Variants in MYO1E observed in about 807,000 individuals in gnomAD.
MYO1E encodes the protein myosin IE.
Under a neutral mutation model 151.1 loss-of-function variants are expected in MYO1E, and 68 were observed. The observed-to-expected ratio is 0.45, with a 90% CI of 0.37 to 0.55. MYO1E has a LOEUF of 0.55. MYO1E is among the 20% of genes least tolerant of loss of function. MYO1E has a pLI of 0.00. For synonymous variants in MYO1E, 601 were observed against 501.7 expected (o/e 1.20, Z -2.64); for missense variants, 1,363 against 1,389.3 (o/e 0.98, Z 0.30).
chr15:59,193,799 C>G (rs1025126976), intron 17 of MYO1E, among the ~76,000 whole-genome samples: 2 of 152,094 alleles, frequency 1.3e-5, no homozygotes, highest in African/African-American at 4.8e-5. Flanking sequence ...GCTCCTCATC[C>G]GGGCCTGAAT....
rs370461613 is a variant in MYO1E at position 59,252,823 on chromosome 15, T to G, written c.332+3461A>C. 3.3e-5 allele frequency among the ~76,000 whole-genome samples: 5 copies of G among 151,754 alleles called. No homozygotes were observed. In the East Asian group the frequency reaches 5.8e-4, roughly 18 times the overall value. ...ATCGCTTGAACCCAGGAGGCGGAGG[T>G]TGCGGTGAGCTGAGATCACACCACT... On this transcript the variant is annotated intron_variant, in intron 4 of 27. Transcript: ENST00000288235.
intron 1 of MYO1E, among the ~76,000 whole-genome samples, chr15:59,349,712 A>T (rs1383016249): frequency 1.3e-5 from 2 of 152,264 alleles, no homozygotes; most frequent in African/African-American, 4.8e-5. Context: ...TCCCTCCCCA[A>T]ACTAGGAGAT....
At position 59,161,169 on chromosome 15, in the gene MYO1E, C is replaced by T; in HGVS notation, c.2689G>A (p.Val897Met). Residue 897 changes from valine to methionine, a missense_variant, in exon 24 of 28, where the codon GTG (valine) becomes ATG (methionine). Val to Met is a conservative substitution (Grantham distance 21). Coordinates refer to ENST00000288235, the MANE Select transcript of MYO1E (RefSeq NM_004998.4). ...TCCCCAAACCCTTGGTGGAACTGCACTTGCCGGGAGCCCCCTGCACTCCAG... is the reference window on the plus strand; with the variant it reads ...TCCCCAAACCCTTGGTGGAACTGCATTTGCCGGGAGCCCCCTGCACTCCAG... ...GPWSAGGSRQ[V>M]QFHQGFGDLA... The T allele has an allele frequency of 6.2e-7, 1 of 1,614,086 alleles. No homozygotes were observed. The highest frequency in any genetic ancestry group is 8.5e-7 in the Non-Finnish European group (1 of 1,180,014).
intron 1 of MYO1E, among the ~76,000 whole-genome samples, chr15:59,336,406 G>A (rs535395959): frequency 3.3e-5 from 5 of 151,954 alleles, no homozygotes; most frequent in African/African-American, 1.2e-4. Flanking sequence ...GATTCAAAGG[G>A]ACATACATAA....
chr15:59,280,475 T>G (rs1351591315), intron 1 of MYO1E, among the ~76,000 whole-genome samples: 1 of 151,056 alleles, frequency 6.6e-6, no homozygotes, highest in African/African-American at 2.4e-5. Context: ...AAATACAAAA[T>G]TAGCCTCGTG....
chr15:59,372,793 G>T lies in MYO1E; in HGVS notation c.-293C>A, dbSNP rs913158716. The T allele has an allele frequency of 9.8e-6, 5 of 507,780 alleles. No individual in the cohort carries two copies. The Admixed American group carries it at 1.8e-4, about 18-fold the overall frequency. The allele number at this position is 507,780 out of a possible 1,614,324, so 31.5% of individuals were successfully genotyped here. On this transcript the variant is annotated 5_prime_UTR_variant, in exon 1 of 28. Coordinates refer to ENST00000288235, the MANE Select transcript of MYO1E (RefSeq NM_004998.4). ...CCGCCGGCCCAGGTGAGTCCGATGC[G>T]CTCGGAGCGTCCGCCTCGCTCCCCT... is the stretch of plus-strand genomic sequence containing the variant.
intron 1 of MYO1E, among the ~76,000 whole-genome samples, chr15:59,370,664 T>A (rs1362973989): frequency 6.6e-6 from 1 of 152,178 alleles, no homozygotes; most frequent in African/African-American, 2.4e-5. Context: ...CTCTACTTCA[T>A]CTGCAATGGG....
chr15:59,157,887 G>A (rs181318897), intron 25 of MYO1E, among the ~76,000 whole-genome samples: 4 of 152,336 alleles, frequency 2.6e-5, no homozygotes, highest in Admixed American at 6.5e-5. Flanking sequence ...GGGTGCTGCT[G>A]TAGTGGTATT....
intron 1 of MYO1E, among the ~76,000 whole-genome samples, chr15:59,284,892 A>G (rs1173016724): frequency 6.6e-6 from 1 of 152,222 alleles, no homozygotes; most frequent in African/African-American, 2.4e-5. Context: ...ATTCCTTAAT[A>G]TGACAAATGC....
intron 9 of MYO1E, among the ~76,000 whole-genome samples, chr15:59,219,434 C>G (rs2079940210): frequency 6.6e-6 from 1 of 152,086 alleles, no homozygotes; most frequent in African/African-American, 2.4e-5. Flanking sequence ...TATGATAATG[C>G]TAAAAAATCA....
chr15:59,342,686 T>C (rs567283591), intron 1 of MYO1E, among the ~76,000 whole-genome samples: 4 of 152,362 alleles, frequency 2.6e-5, no homozygotes, highest in Non-Finnish European at 4.4e-5. Context: ...TGTGGTCTTC[T>C]CTTCCTTCTG....
At chr15:59,138,671 T>C (rs2079388849) in intron 26 of MYO1E, among the ~76,000 whole-genome samples, 1 of 152,174 alleles carries the variant, frequency 6.6e-6, no homozygotes, top group Non-Finnish European at 1.5e-5. Context: ...TACCCATACA[T>C]TTAAATCAGG....
chr15:59,205,594 T>G, intron 14 of MYO1E, 109 bp from the exon 15 acceptor site: 1 of 987,946 alleles, frequency 1.0e-6, no homozygotes, highest in Non-Finnish European at 1.6e-6. Context: ...AAACCAAAGC[T>G]GTCATGGCTA....
chr15:59,222,057 T>G (rs2079959542), intron 9 of MYO1E, among the ~76,000 whole-genome samples: 1 of 151,934 alleles, frequency 6.6e-6, no homozygotes, highest in South Asian at 2.1e-4. Flanking sequence ...CCCTGTATAT[T>G]TATTGTTTTC....
intron 22 of MYO1E, among the ~76,000 whole-genome samples, chr15:59,169,101 T>G (rs377322702): frequency 6.6e-6 from 1 of 152,118 alleles, no homozygotes; most frequent in Non-Finnish European, 1.5e-5. Flanking sequence ...TTGGTTTGAA[T>G]AGGGAGCTGT....
chr15:59,366,567 C>T (rs547376469), intron 1 of MYO1E, among the ~76,000 whole-genome samples: 9 of 152,222 alleles, frequency 5.9e-5, no homozygotes, highest in Admixed American at 3.3e-4. Context: ...ACGGCAATGA[C>T]GTCATTCTCA....
chr15:59,362,088 C>T (rs1478041265), intron 1 of MYO1E, among the ~76,000 whole-genome samples: 1 of 152,138 alleles, frequency 6.6e-6, no homozygotes, highest in Non-Finnish European at 1.5e-5. Flanking sequence ...CCACCCGCCT[C>T]GGCCTTCCAA....
intron 1 of MYO1E, among the ~76,000 whole-genome samples, chr15:59,333,969 T>G (rs1286439416): frequency 2.6e-5 from 4 of 152,072 alleles, no homozygotes; most frequent in African/African-American, 9.7e-5. Context: ...TTGCACTCAG[T>G]TTTGTGGCAG....
At chr15:59,196,558 T>C (rs143021448) in intron 16 of MYO1E, among the ~76,000 whole-genome samples, 1 of 152,320 alleles carries the variant, frequency 6.6e-6, no homozygotes, top group Non-Finnish European at 1.5e-5. Flanking sequence ...GCAGAAGAGA[T>C]TTGCTTGCAA....
Sources: gnomAD v4.1 joint callset for allele counts (sites outside exome capture counted in the v4.1 genomes callset) on GRCh38, gnomAD v4.1.1 for gene constraint, MANE v1.5 for transcripts, NCBI Gene and HGNC (gene_info 2026-07-23, HGNC 2026-07-21) for gene names.